Variants in ZNF667 observed in about 807,000 individuals in gnomAD.
ZNF667 encodes the protein myocardial ischemic preconditioning upregulated 1 ortholog.
In ZNF667, 13 loss-of-function variants were observed where a neutral mutation model predicts 31.8. The ratio of observed to expected loss-of-function variants is 0.41; its 90% confidence interval spans 0.27 to 0.65. The LOEUF is 0.65. ZNF667 is among the 30% of genes least tolerant of loss of function. The probability of loss-of-function intolerance (pLI) is 0.32; values close to 1 mark genes in which losing one functional copy is unlikely to be tolerated. For missense variants in ZNF667, 642 were observed against 725.6 expected, an observed-to-expected ratio of 0.88 and a Z score of 1.32; for synonymous variants, 228 against 247.1, an observed-to-expected ratio of 0.92 and a Z score of 0.73.
In ZNF667 at chr19:56,442,158, T is replaced by A. The variant is rs1467032114; in HGVS notation, c.837A>T (p.Lys279Asn). 1 of 1,613,600 alleles carries A rather than the reference T, an allele frequency of 6.2e-7. No homozygotes were observed. The highest frequency in any genetic ancestry group is 8.5e-7 in the Non-Finnish European group (1 of 1,179,818). ...LLHKKIHNGK[K>N]THKYNKCGRG... ...TCCCACATTTATTATATTTATGTGT[T>A]TTCTTTCCATTGTGAATTTTCTTAT... Residue 279 changes from lysine to asparagine, a missense_variant, in exon 7 of 7, where the codon AAA (lysine) becomes AAT (asparagine). Transcript: ENST00000504904.
chr19:56,442,856 A>T, intron 6 of ZNF667, 115 bp from the exon 7 acceptor site: 1 of 1,334,872 alleles, frequency 7.5e-7, no homozygotes, highest in African/African-American at 1.5e-5. Flanking sequence ...GATTACCAAA[A>T]CATAACTTTT....
intron 3 of ZNF667, among the ~76,000 whole-genome samples, chr19:56,466,288 A>AGGTGC (rs2043157941): frequency 6.6e-6 from 1 of 152,206 alleles, no homozygotes; most frequent in African/African-American, 2.4e-5. Context: ...AGAATGCTGG[A>AGGTGC]ACCTGGGAGG....
intron 3 of ZNF667, among the ~76,000 whole-genome samples, chr19:56,465,215 G>C (rs898325119): frequency 2.0e-5 from 3 of 152,226 alleles, no homozygotes; most frequent in Non-Finnish European, 4.4e-5. Flanking sequence ...AAAAAGTACA[G>C]CAGGACACAG....
chr19:56,463,662 G>A (rs2043100905), intron 3 of ZNF667, among the ~76,000 whole-genome samples: 1 of 151,892 alleles, frequency 6.6e-6, no homozygotes, highest in African/African-American at 2.4e-5. Flanking sequence ...CAAGTAGCTG[G>A]GACCACAGGC....
At position 56,441,459 on chromosome 19, in the gene ZNF667, T is replaced by A. The variant is rs756921647; in HGVS notation, c.1536A>T (p.Ala512=). The change falls in exon 7 of 7, where the codon GCA becomes GCT. Residue 512 remains alanine (A), a synonymous_variant. Transcript: ENST00000504904. The surrounding 1 kb of genome is among the most constrained non-coding windows in gnomAD (Gnocchi z 4.2). ...GAATTCTTTCATGTTGGGCGAGGTGTGCACTCTGGCTGAAGGCCTTCCCAC... is the reference window on the plus strand; with the variant it reads ...GAATTCTTTCATGTTGGGCGAGGTGAGCACTCTGGCTGAAGGCCTTCCCAC... The part of the protein sequence containing the change: ...DQCGKAFSQS[A]HLAQHERIHT... 1 of 1,614,232 alleles carries A rather than the reference T, an allele frequency of 6.2e-7. No homozygotes were observed. Among genetic ancestry groups the A allele is most frequent in the Admixed American group, 1.7e-5 (1 of 60,022 alleles).
In ZNF667 at chr19:56,441,959, T is replaced by G. The variant is rs2042614571; in HGVS notation, c.1036A>C (p.Met346Leu). The change falls in exon 7 of 7, where the codon ATG becomes CTG. Residue 346 changes from methionine to leucine, a missense_variant. By Grantham distance (15) the Met-to-Leu change is conservative (BLOSUM62 2). Transcript: ENST00000504904. The surrounding 1 kb of genome is among the most constrained non-coding windows in gnomAD (Gnocchi z 4.2). ...GAAGTGTGAATTCTCTGGTGAAGCA[T>G]CAGGGGTGAAATCCTATTAAATAAT... ...GKLFNRISPL[M>L]LHQRIHTSEK... 2 of 1,614,068 alleles carry G rather than the reference T, an allele frequency of 1.2e-6. No individual in the cohort carries two copies. The highest frequency in any genetic ancestry group is 1.3e-5 in the African/African-American group (1 of 75,032).
chr19:56,446,956 T>C (rs184748534), intron 6 of ZNF667, among the ~76,000 whole-genome samples: 309 of 152,078 alleles, frequency 2.0e-3, no homozygotes, highest in African/African-American at 6.0e-3. Context: ...CCTCAGCCCA[T>C]CTCCCCATCT....
At chr19:56,455,059 A>C (rs541085948) in intron 6 of ZNF667, among the ~76,000 whole-genome samples, 16 of 152,346 alleles carry the variant, frequency 1.1e-4, no homozygotes, top group Admixed American at 4.6e-4. Flanking sequence ...ACACATGGCA[A>C]ACAGGCATAT....
intron 6 of ZNF667, among the ~76,000 whole-genome samples, chr19:56,450,647 A>G (rs1374168065): frequency 6.6e-6 from 1 of 152,236 alleles, no homozygotes; most frequent in Non-Finnish European, 1.5e-5. Context: ...GGACTGACAA[A>G]AAAACGGCAA....
At chr19:56,462,529 A>T in intron 3 of ZNF667, 100 bp from the exon 4 acceptor site, 2 of 749,700 alleles carry the variant, frequency 2.7e-6, no homozygotes, top group South Asian at 3.0e-5. Flanking sequence ...ACACATATGC[A>T]CGTGCACACA....
intron 5 of ZNF667, among the ~76,000 whole-genome samples, chr19:56,460,279 C>A (rs2147776790): frequency 6.6e-6 from 1 of 152,220 alleles, no homozygotes; most frequent in South Asian, 2.1e-4. Context: ...ACATGATGAA[C>A]CTCAAAAACA....
rs2042644866 is a variant in ZNF667, at chr19:56,442,851, C to T, written c.254-110G>A. 15 of 1,338,332 alleles carry T rather than the reference C, an allele frequency of 1.1e-5. No individual in the cohort carries two copies. In the South Asian group the frequency reaches 2.3e-4, roughly 20 times the overall value. The allele number at this position is 1,338,332 out of a possible 1,614,324, so 82.9% of individuals were successfully genotyped here. On this transcript the variant is annotated intron_variant, in intron 6 of 6. Transcript: ENST00000504904. ...TTAATCACAACAACAATTATGATTA[C>T]CAAAACATAACTTTTTAGTGTTTTA...
chr19:56,441,323 T>C lies in ZNF667; in HGVS notation c.1672A>G (p.Asn558Asp). 1.2e-6 allele frequency: 2 copies of C among 1,614,180 alleles called. No homozygotes were observed. Among genetic ancestry groups the C allele is most frequent in the Non-Finnish European group, 1.7e-6 (2 of 1,180,032 alleles). Residue 558 changes from asparagine to aspartate, a missense_variant, in exon 7 of 7, where the codon AAT becomes GAT. Asn to Asp is a conservative substitution (Grantham distance 23). Transcript: ENST00000504904. This position sits in a 1 kb window ranked among gnomAD's most constrained non-coding sequence, Gnocchi z 4.2. Reference sequence around the variant, plus strand: ...CTGCTAAATGCCTTCCCACATTCATTACATTCATAGGGTTTCTCTCCAGTA... The same window carrying C: ...CTGCTAAATGCCTTCCCACATTCATCACATTCATAGGGTTTCTCTCCAGTA... ...SHTGEKPYECNECGKAFSSGS... is the reference protein window; with the variant it reads ...SHTGEKPYECDECGKAFSSGS...
chr19:56,441,128 C>A lies in ZNF667; in HGVS notation c.*34G>T, dbSNP rs1258942952. On this transcript the variant is annotated 3_prime_UTR_variant, in exon 7 of 7. Transcript: ENST00000504904. This position sits in a 1 kb window ranked among gnomAD's most constrained non-coding sequence, Gnocchi z 4.2. ...TACATATTTGCCATATGTTTGATAG[C>A]CTCATTCGTTGATTTTATAGATTTA... 1.3e-6 allele frequency: 2 copies of A among 1,563,154 alleles called. No homozygotes were observed. Among genetic ancestry groups the A allele is most frequent in the East Asian group, 2.3e-5 (1 of 44,314 alleles).
intron 4 of ZNF667, among the ~76,000 whole-genome samples, chr19:56,461,558 A>T (rs2043045360): frequency 6.6e-6 from 1 of 152,216 alleles, no homozygotes; most frequent in African/African-American, 2.4e-5. Flanking sequence ...TGAACTCCAA[A>T]GCAGATGACC....
At chr19:56,463,334 A>G (rs1232735677) in intron 3 of ZNF667, among the ~76,000 whole-genome samples, 3 of 152,066 alleles carry the variant, frequency 2.0e-5, no homozygotes, top group Non-Finnish European at 4.4e-5. Flanking sequence ...TGGTGGCATG[A>G]CTAGGGTGGG....
rs2042600167 is a variant in ZNF667, at chr19:56,441,486, C to G, written c.1509G>C (p.Gln503His). Residue 503 changes from glutamine to histidine, a missense_variant, in exon 7 of 7, where the codon CAG (glutamine) becomes CAC (histidine). By Grantham distance (24) the Gln-to-His change is conservative. Transcript: ENST00000504904. The surrounding 1 kb of genome is among the most constrained non-coding windows in gnomAD (Gnocchi z 4.2). ...HTEDRPYECDQCGKAFSQSAH... is the reference protein window; with the variant it reads ...HTEDRPYECDHCGKAFSQSAH... ...CACTCTGGCTGAAGGCCTTCCCACA[C>G]TGATCACATTCATAGGGTCTATCTT... 17 of 1,614,092 alleles carry G rather than the reference C, an allele frequency of 1.1e-5. No homozygotes were observed. The highest frequency in any genetic ancestry group is 1.4e-5 in the Non-Finnish European group (17 of 1,180,016).
chr19:56,476,190 A>G, intron 1 of ZNF667, among the ~76,000 whole-genome samples: 1 of 152,150 alleles, frequency 6.6e-6, no homozygotes, highest in East Asian at 1.9e-4. Context: ...TCAACACCAG[A>G]CAGCGGGGCG....
At chr19:56,456,588 C>G (rs1367618798) in intron 6 of ZNF667, among the ~76,000 whole-genome samples, 2 of 152,070 alleles carry the variant, frequency 1.3e-5, no homozygotes, top group African/African-American at 4.8e-5. Context: ...TAGAGCTCCC[C>G]CTCTGTGACT....
Sources: gnomAD v4.1 joint callset for allele counts (sites outside exome capture counted in the v4.1 genomes callset) on GRCh38, gnomAD v4.1.1 for gene constraint, Gnocchi (gnomAD v3.1) non-coding constraint, MANE v1.5 for transcripts, NCBI Gene and HGNC (gene_info 2026-07-23, HGNC 2026-07-21) for gene names.